SHANK2: variants seen among roughly 807,000 people sequenced by gnomAD.
SHANK2 encodes SH3 and multiple ankyrin repeat domains 2.
In SHANK2, 43 loss-of-function variants were observed where a neutral mutation model predicts 133.7. The ratio of observed to expected loss-of-function variants is 0.32; its 90% CI spans 0.25 to 0.41. SHANK2 has a LOEUF of 0.41. Ranked by LOEUF, SHANK2 falls within the 10% of genes least tolerant of loss-of-function variation. SHANK2 has a pLI of 1.00. For synonymous variants in SHANK2, 1,017 were observed against 952.8 expected (o/e 1.07, Z -1.24); for missense variants, 1,994 against 2,235.8 (o/e 0.89, Z 2.18).
chr11:70,907,537 A>G (rs1029389739), intron 10 of SHANK2: 12 of 169,676 alleles, frequency 7.1e-5, no homozygotes, highest in Admixed American at 5.3e-4. Context: ...GAGAATTAAA[A>G]TAGTTAATTA....
chr11:71,248,057 C>A lies in SHANK2; in HGVS notation c.-113+4368G>T, dbSNP rs143643492. Among the ~76,000 whole-genome samples the A allele has an allele frequency of 1.4e-3, 217 of 152,328 alleles. 5 individuals are homozygous for A. The East Asian group carries it at 0.035, about 25-fold the overall frequency. ...AGGCCCATCCCCGGCATATGTGCATCCAGAGAGACCCAGGCTATGGTCCCT... is the reference window on the plus strand; with the variant it reads ...AGGCCCATCCCCGGCATATGTGCATACAGAGAGACCCAGGCTATGGTCCCT... On this transcript the variant is annotated intron_variant, in intron 1 of 25. Coordinates refer to ENST00000601538, the MANE Select transcript of SHANK2 (RefSeq NM_012309.5).
At chr11:70,515,580 T>C (rs150951322) in intron 17 of SHANK2, among the ~76,000 whole-genome samples, 181 of 148,242 alleles carry the variant, frequency 1.2e-3, no homozygotes, top group African/African-American at 4.2e-3. Context: ...GGTGGGACGA[T>C]TGCTTGAAGC....
At chr11:70,670,426 C>T (rs1439050801) in intron 15 of SHANK2, among the ~76,000 whole-genome samples, 4 of 152,210 alleles carry the variant, frequency 2.6e-5, no homozygotes, top group South Asian at 2.1e-4. Context: ...CCCAGCTCAG[C>T]GGAGATGCCA....
intron 1 of SHANK2, among the ~76,000 whole-genome samples, chr11:71,239,909 C>T (rs1866881): frequency 0.6 from 91,613 of 152,016 alleles, 30,537 homozygotes; most frequent in East Asian, 0.9. Flanking sequence ...GCACAGGCTA[C>T]GTCTCGCAGG....
rs543895770 is a variant in SHANK2 at position 71,094,501 on chromosome 11, C to T, written c.744+36G>A. ...GGGGCAGCCGCACGGAATCAGAGCA[C>T]GGGGTGGCACCCAAGTAAGATGGGC... On this transcript the variant is annotated intron_variant, in intron 7 of 25. Coordinates refer to ENST00000601538, the MANE Select transcript of SHANK2 (RefSeq NM_012309.5). 2.1e-5 allele frequency: 33 copies of T among 1,536,310 alleles called. No individual in the cohort carries two copies. In the African/African-American group the frequency reaches 2.5e-4, roughly 11 times the overall value.
intron 14 of SHANK2, among the ~76,000 whole-genome samples, chr11:70,762,068 G>A (rs372878684): frequency 5.3e-5 from 8 of 152,268 alleles, no homozygotes; most frequent in Non-Finnish European, 1.0e-4. Flanking sequence ...TTTTTGCAGC[G>A]CCCCAGAGAT....
rs2059032339 is a variant in SHANK2 at position 70,500,404 on chromosome 11, C to G, written c.2308+166G>C. 6.6e-6 allele frequency among the ~76,000 whole-genome samples: 1 copy of G among 151,782 alleles called. No individual in the cohort carries two copies. Among genetic ancestry groups the G allele is most frequent in the Non-Finnish European group, 1.5e-5 (1 of 68,024 alleles). ...ACAGAAGCCAAGCAGAAAGAACAGA[C>G]AGATGAATGTGCTCCAGGGCGGCAG... On this transcript the variant is annotated intron_variant, in intron 21 of 25. Transcript: ENST00000601538. This position sits in a 1 kb window ranked among gnomAD's most constrained non-coding sequence, Gnocchi z 4.5.
chr11:70,481,857 G>C (rs781876787), intron 25 of SHANK2, among the ~76,000 whole-genome samples: 48 of 152,244 alleles, frequency 3.2e-4, no homozygotes, highest in Non-Finnish European at 6.2e-4. Flanking sequence ...CATCAGTGAA[G>C]ACCACGCCCA....
intron 14 of SHANK2, among the ~76,000 whole-genome samples, chr11:70,783,719 C>T (rs546469966): frequency 4.3e-4 from 65 of 152,216 alleles, no homozygotes; most frequent in Middle Eastern, 3.4e-3. Flanking sequence ...GGTGCTGGGT[C>T]CACAGGGTTT....
At chr11:71,133,423 T>TGGAG (rs113265989) in intron 3 of SHANK2, among the ~76,000 whole-genome samples, 44,033 of 85,170 alleles carry the variant, frequency 0.52, 11,654 homozygotes, top group East Asian at 0.65. Context: ...GATGGACAGA[T>TGGAG]GGAGGGAGGG....
intron 2 of SHANK2, among the ~76,000 whole-genome samples, chr11:71,207,681 C>T (rs1000808598): frequency 6.6e-6 from 1 of 152,210 alleles, no homozygotes; most frequent in Non-Finnish European, 1.5e-5. Context: ...AACAAATCGA[C>T]AGAGCAGGAC....
chr11:71,105,142 A>G (rs1331372248), intron 6 of SHANK2, among the ~76,000 whole-genome samples: 1 of 152,212 alleles, frequency 6.6e-6, no homozygotes, highest in African/African-American at 2.4e-5. Context: ...AACATTATCC[A>G]GCACCAAAAG....
At chr11:70,910,911 T>C (rs1404046223) in intron 10 of SHANK2, 32 of 450,310 alleles carry the variant, frequency 7.1e-5, no homozygotes, top group South Asian at 2.5e-4. Flanking sequence ...TGTGTGTGTG[T>C]GTGCGCGTGC....
chr11:70,801,653 C>T (rs1245362083), intron 13 of SHANK2, among the ~76,000 whole-genome samples: 4 of 152,162 alleles, frequency 2.6e-5, no homozygotes, highest in Non-Finnish European at 5.9e-5. Flanking sequence ...TCCCCATCCA[C>T]CCAGCAGTAC....
chr11:70,908,979 T>C (rs1369370917), intron 10 of SHANK2, among the ~76,000 whole-genome samples: 10 of 152,304 alleles, frequency 6.6e-5, no homozygotes, highest in African/African-American at 2.2e-4. Flanking sequence ...TATTATCCTC[T>C]GTCCTGTGAA....
At chr11:71,169,754 C>CAAAAA (rs35339054) in intron 2 of SHANK2, among the ~76,000 whole-genome samples, 3 of 90,334 alleles carry the variant, frequency 3.3e-5, no homozygotes, top group Non-Finnish European at 4.4e-5. Flanking sequence ...GACTCCATCT[C>CAAAAA]AAAAAAAAAA....
rs1555098788 is a variant in SHANK2 at position 71,109,939 on chromosome 11, A to G, written c.592+2T>C. ...GTAAGGTCCCCTCTAGCAAGTGCTCACCTCCGGTCTCCGGGTCGTGGAAAT... is the reference window on the plus strand; with the variant it reads ...GTAAGGTCCCCTCTAGCAAGTGCTCGCCTCCGGTCTCCGGGTCGTGGAAAT... On this transcript the variant is annotated splice_donor_variant, in intron 6 of 25. Transcript: ENST00000601538. LOFTEE classifies it high-confidence loss of function. The G allele has an allele frequency of 1.3e-6, 2 of 1,546,688 alleles. No homozygotes were observed. The highest frequency in any genetic ancestry group is 2.4e-5 in the South Asian group (2 of 83,976).
rs142143879 is a variant in SHANK2, at chr11:70,535,527, A to G, written c.2062-32596T>C. Among the ~76,000 whole-genome samples the G allele has an allele frequency of 2.3e-3, 357 of 152,138 alleles. 3 individuals are homozygous for G. The highest frequency in any genetic ancestry group is 2.9e-3 in the Non-Finnish European group (194 of 67,998). ...CCGTCCATCTATTCATCCATTCACC[A>G]TCATCCATCAGTCTATTCATCTGTC... is the stretch of plus-strand genomic sequence containing the variant. On this transcript the variant is annotated intron_variant, in intron 17 of 25. Coordinates refer to ENST00000601538, the MANE Select transcript of SHANK2 (RefSeq NM_012309.5). This position sits in a 1 kb window ranked among gnomAD's most constrained non-coding sequence, Gnocchi z 4.3.
At position 70,487,462 on chromosome 11, in the gene SHANK2, A is replaced by G. The variant is rs2058827187; in HGVS notation, c.2831T>C (p.Met944Thr). 6.2e-7 allele frequency: 1 copy of G among 1,613,770 alleles called. No individual in the cohort carries two copies. The highest frequency in any genetic ancestry group is 2.2e-5 in the East Asian group (1 of 44,836). Residue 944 changes from methionine to threonine, a missense_variant, in exon 25 of 26, where the codon ATG becomes ACG. Transcript: ENST00000601538. This position sits in a 1 kb window ranked among gnomAD's most constrained non-coding sequence, Gnocchi z 5.8. ...PATRSDTVAT[M>T]MREKGMYFRR... is the part of the protein sequence containing the mutation. Reference sequence around the variant, plus strand: ...GAAGTACATCCCCTTCTCCCTCATCATGGTGGCCACGGTGTCGGACCTGGT... The same window carrying G: ...GAAGTACATCCCCTTCTCCCTCATCGTGGTGGCCACGGTGTCGGACCTGGT...
Sources: gnomAD v4.1 joint callset for allele counts (sites outside exome capture counted in the v4.1 genomes callset) on GRCh38, gnomAD v4.1.1 for gene constraint, Gnocchi (gnomAD v3.1) non-coding constraint, MANE v1.5 for transcripts, NCBI Gene and HGNC (gene_info 2026-07-23, HGNC 2026-07-21) for gene names.